Variants in DIS3L2 observed in about 807,000 individuals in gnomAD.
The protein encoded by DIS3L2 is DIS3-like exonuclease 2.
Under a neutral mutation model 97.5 loss-of-function variants are expected in DIS3L2, and 34 were observed. The ratio of observed to expected loss-of-function variants is 0.35; its 90% CI spans 0.27 to 0.46. The LOEUF (loss-of-function observed/expected upper bound fraction) is 0.46, where lower values mean the gene tolerates loss of function less well. DIS3L2 is among the 20% of genes least tolerant of loss of function. DIS3L2 has a pLI of 1.00. For missense variants in DIS3L2, 1,038 were observed against 1,146.0 expected (o/e 0.91, Z 1.36); for synonymous variants, 435 against 445.2 (o/e 0.98, Z 0.29).
At chr2:232,158,322 T>TGTGTGTGTGTGTGTGC (rs1486864637) in intron 8 of DIS3L2, among the ~76,000 whole-genome samples, 1 of 141,658 alleles carries the variant, frequency 7.1e-6, no homozygotes, top group East Asian at 1.9e-4. Context: ...TGTGTGTGTG[T>TGTGTGTGTGTGTGTGC]GTGTGTGTGT....
intron 5 of DIS3L2, among the ~76,000 whole-genome samples, chr2:232,050,504 C>G (rs56233751): frequency 0.015 from 2,206 of 151,770 alleles, 23 homozygotes; most frequent in Non-Finnish European, 0.021. Flanking sequence ...TCGAACTCCT[C>G]ACCTCAGGTG....
intron 10 of DIS3L2, among the ~76,000 whole-genome samples, chr2:232,220,142 A>C (rs1692451347): frequency 1.3e-5 from 2 of 148,718 alleles, no homozygotes; most frequent in South Asian, 4.2e-4. Flanking sequence ...TAAATAAATA[A>C]ATAAATAAAT....
At chr2:231,966,994 T>C (rs924519916) in intron 1 of DIS3L2, among the ~76,000 whole-genome samples, 1 of 152,192 alleles carries the variant, frequency 6.6e-6, no homozygotes, top group African/African-American at 2.4e-5. Context: ...TGATGAAGTT[T>C]AGTCAACTGT....
At chr2:232,086,634 T>TATATATGTGTATATATATATATATATAC (rs1559613405) in intron 5 of DIS3L2, among the ~76,000 whole-genome samples, 1 of 63,788 alleles carries the variant, frequency 1.6e-5, no homozygotes, top group African/African-American at 6.6e-5. Flanking sequence ...TATATACACA[T>TATATATGTGTATATATATATATATATAC]ATATATATAT....
In DIS3L2 at chr2:232,313,095, A is replaced by G. The variant is rs376649197; in HGVS notation, c.1739+12976A>G. On this transcript the variant is annotated intron_variant, in intron 14 of 20. Coordinates refer to ENST00000325385, the MANE Select transcript of DIS3L2 (RefSeq NM_152383.5). ...TTTCCAATTCTCATGCCATGTATTT[A>G]TTTTTCTTGCCTTATTGCACTGTAC... Among the ~76,000 whole-genome samples, 3 of 151,820 alleles carry G rather than the reference A, an allele frequency of 2.0e-5. No individual in the cohort carries two copies. In the East Asian group the frequency reaches 5.8e-4, roughly 29 times the overall value.
intron 9 of DIS3L2, 90 bp downstream of exon 9, chr2:232,163,722 G>A (rs1021471190): frequency 9.2e-6 from 13 of 1,407,666 alleles, no homozygotes; most frequent in Non-Finnish European, 1.1e-5. Context: ...ATCTTTCCAC[G>A]AACATTCAAG....
intron 5 of DIS3L2, 61 bp downstream of exon 5, chr2:232,030,141 C>T: frequency 1.4e-6 from 2 of 1,432,532 alleles, no homozygotes; most frequent in South Asian, 2.4e-5. Context: ...TTCCATGGTG[C>T]ACCAACAAGG....
At chr2:232,170,617 TC>T (rs111389228) in intron 9 of DIS3L2, among the ~76,000 whole-genome samples, 11 of 152,248 alleles carry the variant, frequency 7.2e-5, no homozygotes, top group East Asian at 3.9e-4. Context: ...TCTCTTTTTT[TC>T]CCATTTAATG....
intron 8 of DIS3L2, among the ~76,000 whole-genome samples, chr2:232,142,938 T>G (rs1690110538): frequency 6.6e-6 from 1 of 152,188 alleles, no homozygotes; most frequent in Admixed American, 6.6e-5. Context: ...TTTCCAACAT[T>G]GGACCAACAT....
At chr2:232,212,246 G>C (rs548249202) in intron 10 of DIS3L2, among the ~76,000 whole-genome samples, 2 of 152,350 alleles carry the variant, frequency 1.3e-5, no homozygotes, top group African/African-American at 4.8e-5. Flanking sequence ...AGTGTGGAAA[G>C]TGCCCCTAGG....
At chr2:232,333,757 G>A in intron 16 of DIS3L2, 83 bp from the exon 17 acceptor site, 739 of 1,392,726 alleles carry the variant, frequency 5.3e-4, no homozygotes, top group Admixed American at 3.2e-3. Flanking sequence ...GCTGCCGACG[G>A]TGAGGCTGTG....
intron 1 of DIS3L2, among the ~76,000 whole-genome samples, chr2:231,967,522 C>A (rs1051473390): frequency 6.6e-6 from 1 of 152,140 alleles, no homozygotes; most frequent in Admixed American, 6.5e-5. Context: ...AGGTTGAATG[C>A]AAAACTCTAG....
chr2:232,227,634 G>A (rs1692685348), intron 10 of DIS3L2, among the ~76,000 whole-genome samples: 4 of 152,158 alleles, frequency 2.6e-5, no homozygotes, highest in Admixed American at 2.6e-4. Flanking sequence ...GAAACTGAGT[G>A]ATTGGATCCA....
chr2:232,075,111 C>T (rs1429293246), intron 5 of DIS3L2, among the ~76,000 whole-genome samples: 1 of 152,186 alleles, frequency 6.6e-6, no homozygotes, highest in Non-Finnish European at 1.5e-5. Context: ...TTGTTTTCAA[C>T]TCCTGTGGAT....
chr2:232,030,484 G>T lies in DIS3L2; in HGVS notation c.366+404G>T, dbSNP rs923418673. 1.1e-4 allele frequency among the ~76,000 whole-genome samples: 17 copies of T among 152,198 alleles called. 1 individual carries two copies. Among genetic ancestry groups the T allele is most frequent in the South Asian group, 8.3e-4 (4 of 4,836 alleles). On this transcript the variant is annotated intron_variant, in intron 5 of 20. Transcript: ENST00000325385. ...TCTGCTGCCTCCAGTGGAAAACCCA[G>T]GCAATACATGTGGAGTTCTGTTGGC...
At chr2:232,234,753 C>T (rs1184897322) in intron 10 of DIS3L2, among the ~76,000 whole-genome samples, 2 of 152,218 alleles carry the variant, frequency 1.3e-5, no homozygotes, top group African/African-American at 2.4e-5. Flanking sequence ...CTTGAGTTAT[C>T]ACACGGGTGT....
intron 9 of DIS3L2, among the ~76,000 whole-genome samples, chr2:232,182,319 G>T (rs1691308721): frequency 6.6e-6 from 1 of 152,080 alleles, no homozygotes; most frequent in Non-Finnish European, 1.5e-5. Context: ...TTTAGTCCTT[G>T]TATATTTATT....
At chr2:232,307,869 C>T (rs935068198) in intron 14 of DIS3L2, 1 of 152,228 alleles carries the variant, frequency 6.6e-6, no homozygotes, top group Non-Finnish European at 1.5e-5. Context: ...AGAGGCTCAC[C>T]TGCCAAGGCC....
Position 232,333,206 on chromosome 2 carries a change from T to TCCTCCGCTGTCG in DIS3L2, c.2011-629_2011-628insGCTGTCGCCTCC, listed in dbSNP as rs1559218580. On this transcript the variant is annotated intron_variant, in intron 16 of 20. Transcript: ENST00000325385. ...CTCCTCCTCCTCCTCCTCCTCCTCC[T>TCCTCCGCTGTCG]CCTCCTCCTCCTCCGCTGTCGCCTC... Among the ~76,000 whole-genome samples, 5 of 57,824 alleles carry TCCTCCGCTGTCG rather than the reference T, an allele frequency of 8.6e-5. 1 individual carries two copies. The South Asian group carries it at 2.9e-3, about 33-fold the overall frequency. The allele number at this position is 57,824 out of a possible 152,430, so 37.9% of individuals were successfully genotyped here. A position where few individuals can be genotyped will look rare whatever the true frequency, so the allele number is the denominator to read the frequency against.
Sources: gnomAD v4.1 joint callset for allele counts (sites outside exome capture counted in the v4.1 genomes callset) on GRCh38, gnomAD v4.1.1 for gene constraint, MANE v1.5 for transcripts, NCBI Gene and HGNC (gene_info 2026-07-23, HGNC 2026-07-21) for gene names.